The following MUCL3 variants were observed in gnomAD, a reference collection of about 807,000 sequenced individuals.
MUCL3 encodes the protein mucin like 3.
Under a neutral mutation model 70.2 loss-of-function variants are expected in MUCL3, and 42 were observed. The ratio of observed to expected loss-of-function variants is 0.60; its 90% CI spans 0.47 to 0.77. The LOEUF (loss-of-function observed/expected upper bound fraction) is 0.77, where lower values mean the gene tolerates loss of function less well. MUCL3 is among the 30% of genes least tolerant of loss of function. MUCL3 has a pLI of 0.00. For missense variants in MUCL3, 1,429 were observed against 1,670.0 expected (o/e 0.86, Z 2.52); for synonymous variants, 522 against 647.0 (o/e 0.81, Z 2.93).
rs557527155 is a variant in MUCL3, at chr6:30,947,225, T to C, written c.83-1322T>C. On this transcript the variant is annotated intron_variant, in intron 1 of 2. Transcript: ENST00000462446. ...TATTGCTGCCAAGGAGATCAGGTAATGGGATTGGGACAGTGGAGTGCAGGC... is the reference window on the plus strand; with the variant it reads ...TATTGCTGCCAAGGAGATCAGGTAACGGGATTGGGACAGTGGAGTGCAGGC... Among the ~76,000 whole-genome samples the C allele has an allele frequency of 2.0e-5, 3 of 152,296 alleles. No homozygotes were observed. The East Asian group carries it at 5.8e-4, about 29-fold the overall frequency.
Position 30,948,901 on chromosome 6 carries a change from C to G in MUCL3, c.437C>G (p.Thr146Ser). The change falls in exon 2 of 3, where the codon ACT becomes AGT. Residue 146 changes from threonine (T) to serine (S), a missense_variant. Coordinates refer to ENST00000462446, the MANE Select transcript of MUCL3 (RefSeq NM_080870.4). ...CGCTCTGTTGATCCTGCTGACTCCACTACCACACATAAAGAATCCGCTGGA... is the reference window on the plus strand; with the variant it reads ...CGCTCTGTTGATCCTGCTGACTCCAGTACCACACATAAAGAATCCGCTGGA... ...NQRSVDPADS[T>S]TTHKESAGKK... 1 of 1,551,058 alleles carries G rather than the reference C, an allele frequency of 6.4e-7. No homozygotes were observed. The highest frequency in any genetic ancestry group is 8.7e-7 in the Non-Finnish European group (1 of 1,146,862).
chr6:30,952,481 C>G lies in MUCL3; in HGVS notation c.4017C>G (p.Phe1339Leu). ...TGGCTGTGATTCTCCTCCTGGTGTT[C>G]CTTGGCCTGATCTTCTTGGTAAGGG... The part of the protein sequence containing the change: ...VLVAVILLLV[F>L]LGLIFLVSYM... The change falls in exon 2 of 3, where the codon TTC (phenylalanine) becomes TTG (leucine). Residue 1339 changes from phenylalanine (F) to leucine (L), a missense_variant. By Grantham distance (22) the Phe-to-Leu change is conservative (BLOSUM62 0). Coordinates refer to ENST00000462446, the MANE Select transcript of MUCL3 (RefSeq NM_080870.4). The G allele has an allele frequency of 6.2e-7, 1 of 1,603,344 alleles. No homozygotes were observed. The highest frequency in any genetic ancestry group is 8.5e-7 in the Non-Finnish European group (1 of 1,175,266).
intron 1 of MUCL3, among the ~76,000 whole-genome samples, chr6:30,948,117 C>T (rs1760394955): frequency 6.6e-6 from 1 of 152,204 alleles, no homozygotes; most frequent in Non-Finnish European, 1.5e-5. Flanking sequence ...AATGCTAGTC[C>T]ATACATGCCC....
At chr6:30,942,538 C>T (rs964262290) in intron 1 of MUCL3, among the ~76,000 whole-genome samples, 2 of 152,080 alleles carry the variant, frequency 1.3e-5, no homozygotes, top group African/African-American at 4.8e-5. Context: ...TGGTGAATGG[C>T]GATGACTGAG....
chr6:30,943,663 G>A (rs1795673649), intron 1 of MUCL3, among the ~76,000 whole-genome samples: 1 of 152,206 alleles, frequency 6.6e-6, no homozygotes. Context: ...GATGGGAATT[G>A]GGGCTGGGGT....
intron 1 of MUCL3, among the ~76,000 whole-genome samples, chr6:30,946,976 T>C (rs1795806395): frequency 6.6e-6 from 1 of 152,220 alleles, no homozygotes. Context: ...TCTAGAAACG[T>C]TGCCCATTGC....
In MUCL3 at chr6:30,951,208, C is replaced by A. The variant is rs980516491; in HGVS notation, c.2744C>A (p.Thr915Lys). 12 of 1,551,776 alleles carry A rather than the reference C, an allele frequency of 7.7e-6. No individual in the cohort carries two copies. In the Admixed American group the frequency reaches 1.2e-4, roughly 15 times the overall value. Residue 915 changes from threonine to lysine, a missense_variant, in exon 2 of 3, where the codon ACA (threonine) becomes AAA (lysine). Thr to Lys is a moderately conservative substitution (Grantham distance 78). Transcript: ENST00000462446. The part of the protein sequence containing the change: ...ERTPFTNEKT[T>K]PSSAEPTEHG... ...ACCCCATTTACCAATGAGAAGACCA[C>A]ACCATCCTCAGCAGAGCCTACAGAA...
chr6:30,944,678 C>T (rs1471901922), intron 1 of MUCL3, among the ~76,000 whole-genome samples: 1 of 152,218 alleles, frequency 6.6e-6, no homozygotes, highest in African/African-American at 2.4e-5. Context: ...TTTATCCCAG[C>T]TGAGCATCCA....
At chr6:30,945,949 A>G (rs1280991119) in intron 1 of MUCL3, 1 of 152,310 alleles carries the variant, frequency 6.6e-6, no homozygotes, top group East Asian at 1.9e-4. Context: ...GTGAGACTCC[A>G]TCTCAAAAAA....
chr6:30,953,101 T>C lies in MUCL3; in HGVS notation c.4166T>C (p.Ile1389Thr). 6.2e-7 allele frequency: 1 copy of C among 1,614,156 alleles called. No individual in the cohort carries two copies. Among genetic ancestry groups the C allele is most frequent in the Non-Finnish European group, 8.5e-7 (1 of 1,180,016 alleles). Residue 1389 changes from isoleucine (I) to threonine (T), a missense_variant, in exon 3 of 3, where the codon ATC (isoleucine) becomes ACC (threonine). Ile to Thr is a moderately conservative substitution (Grantham distance 89, BLOSUM62 -1). Coordinates refer to ENST00000462446, the MANE Select transcript of MUCL3 (RefSeq NM_080870.4). Reference protein sequence around the residue: ...MEQQNLGMGQIPSPR With the variant: ...MEQQNLGMGQTPSPR ...CAGCAGAATCTTGGCATGGGCCAGA[T>C]CCCTTCCCCACGGTGATCTTGGAGT... is the stretch of plus-strand genomic sequence containing the variant.
In MUCL3 at chr6:30,950,471, T is replaced by C. The variant is rs1467190482; in HGVS notation, c.2007T>C (p.Asn669=). Residue 669 remains asparagine (N), a synonymous_variant, in exon 2 of 3, where the codon AAT becomes AAC. Coordinates refer to ENST00000462446, the MANE Select transcript of MUCL3 (RefSeq NM_080870.4). ...CAGAAAATAGAGAAAGGACAGCCAA[T>C]GAGAAGACCACATCATCCCCAGCAG... ...EPTENRERTA[N]EKTTSSPAEP... is the part of the protein sequence containing the mutation. The C allele has an allele frequency of 6.5e-7, 1 of 1,546,738 alleles. No individual in the cohort carries two copies. The highest frequency in any genetic ancestry group is 8.7e-7 in the Non-Finnish European group (1 of 1,146,286).
rs1397609413 is a variant in MUCL3 at position 30,951,819 on chromosome 6, A to C, written c.3355A>C (p.Thr1119Pro). 6.3e-7 allele frequency: 1 copy of C among 1,576,244 alleles called. No individual in the cohort carries two copies. Among genetic ancestry groups the C allele is most frequent in the South Asian group, 1.2e-5 (1 of 85,924 alleles). ...GACCACATCACCCAATGACAAGATC[A>C]CCTCATCTGCAGCAGAGTCTACAGA... ...ERTTSPNDKI[T>P]SSAAESTEHR... The change falls in exon 2 of 3, where the codon ACC becomes CCC. Residue 1119 changes from threonine to proline, a missense_variant. Thr to Pro is a conservative substitution (Grantham distance 38, BLOSUM62 -1). Transcript: ENST00000462446.
In MUCL3 at chr6:30,948,759, C is replaced by G. The variant is rs948867018; in HGVS notation, c.295C>G (p.Pro99Ala). The change falls in exon 2 of 3, where the codon CCT (proline) becomes GCT (alanine). Residue 99 changes from proline (P) to alanine (A), a missense_variant. Pro to Ala is a conservative substitution (Grantham distance 27). Transcript: ENST00000462446. ...ACGCCATTCTAAGCCAACTGACAAG[C>G]CTACAGGCAACTCCAAAACTATAGA... ...TTRHSKPTDKPTGNSKTIDHK... is the reference protein window; with the variant it reads ...TTRHSKPTDKATGNSKTIDHK... 3.9e-6 allele frequency: 6 copies of G among 1,551,456 alleles called. No homozygotes were observed. The African/African-American group carries it at 6.9e-5, about 18-fold the overall frequency.
chr6:30,951,598 A>G lies in MUCL3; in HGVS notation c.3134A>G (p.Glu1045Gly). The change falls in exon 2 of 3, where the codon GAA becomes GGA. Residue 1045 changes from glutamate (E) to glycine (G), a missense_variant. By Grantham distance (98) the Glu-to-Gly change is moderately conservative. Coordinates refer to ENST00000462446, the MANE Select transcript of MUCL3 (RefSeq NM_080870.4). The stretch of plus-strand genomic sequence containing the variant: ...TCTCCAGCAAAGCCTACAGAACACG[A>G]AGAAATGACCCCATCGGCCAATGAG... The part of the protein sequence containing the change: ...IPSPAKPTEH[E>G]EMTPSANENT... 2 of 1,541,908 alleles carry G rather than the reference A, an allele frequency of 1.3e-6. No homozygotes were observed. The highest frequency in any genetic ancestry group is 1.8e-6 in the Non-Finnish European group (2 of 1,138,844).
At chr6:30,945,313 G>A (rs947203088) in intron 1 of MUCL3, among the ~76,000 whole-genome samples, 4 of 152,100 alleles carry the variant, frequency 2.6e-5, no homozygotes, top group East Asian at 3.8e-4. Flanking sequence ...TGGAGACAGC[G>A]ATGAACAAAA....
chr6:30,948,370 C>T (rs1329037932), intron 1 of MUCL3, among the ~76,000 whole-genome samples, 177 bp from the exon 2 acceptor site: 1 of 152,118 alleles, frequency 6.6e-6, no homozygotes, highest in African/African-American at 2.4e-5. Flanking sequence ...GCTGAAGGCA[C>T]AGCCTGAGCC....
At chr6:30,945,948 C>T (rs1795760449) in intron 1 of MUCL3, 1 of 152,214 alleles carries the variant, frequency 6.6e-6, no homozygotes, top group African/African-American at 2.4e-5. Flanking sequence ...AGTGAGACTC[C>T]ATCTCAAAAA....
chr6:30,952,834 CATTGT>C, intron 2 of MUCL3, 132 bp from the exon 3 acceptor site: 1 of 1,204,722 alleles, frequency 8.3e-7, no homozygotes, highest in Non-Finnish European at 1.1e-6. Context: ...AGCTGGGACT[CATTGT>C]ATTGGACCTG....
At position 30,951,530 on chromosome 6, in the gene MUCL3, A is replaced by T. The variant is rs1421590068; in HGVS notation, c.3066A>T (p.Glu1022Asp). ...CACCATCCCCAGCAGAGCCTACAGA[A>T]CATGGAGAAAGGACACCATCAGCCA... ...KTTPSPAEPT[E>D]HGERTPSANE... The change falls in exon 2 of 3, where the codon GAA (glutamate) becomes GAT (aspartate). Residue 1022 changes from glutamate to aspartate, a missense_variant. Glu to Asp is a conservative substitution (Grantham distance 45). Coordinates refer to ENST00000462446, the MANE Select transcript of MUCL3 (RefSeq NM_080870.4). The T allele has an allele frequency of 2.6e-6, 4 of 1,552,108 alleles. No homozygotes were observed. The Admixed American group carries it at 7.8e-5, about 30-fold the overall frequency.
Sources: gnomAD v4.1 joint callset for allele counts (sites outside exome capture counted in the v4.1 genomes callset) on GRCh38, gnomAD v4.1.1 for gene constraint, MANE v1.5 for transcripts, NCBI Gene and HGNC (gene_info 2026-07-23, HGNC 2026-07-21) for gene names.